The following CNTN4 variants were observed in gnomAD, a reference collection of about 807,000 sequenced individuals.
CNTN4 encodes the protein contactin 4, also known as contactin-4.
A neutral mutation model predicts 122.5 loss-of-function variants in CNTN4; 77 were observed. That is an observed-to-expected ratio of 0.63 (90% CI 0.52 to 0.76). CNTN4 has a LOEUF of 0.76. Among genes scored for constraint, CNTN4 ranks in the 30% least tolerant of loss-of-function variants. CNTN4 has a pLI of 0.00. For synonymous variants in CNTN4, 512 were observed against 447.0 expected (o/e 1.15, Z -1.83); for missense variants, 1,256 against 1,259.1 (o/e 1.00, Z 0.04).
At chr3:2,164,833 G>A (rs1375418305) in intron 2 of CNTN4, among the ~76,000 whole-genome samples, 2 of 152,130 alleles carry the variant, frequency 1.3e-5, no homozygotes, top group African/African-American at 4.8e-5. Flanking sequence ...AGGACTCAAA[G>A]TATTCTGCAA....
intron 10 of CNTN4, among the ~76,000 whole-genome samples, chr3:2,888,620 C>G (rs2094004360): frequency 6.6e-6 from 1 of 152,068 alleles, no homozygotes; most frequent in South Asian, 2.1e-4. Context: ...ATCCATGACT[C>G]CTCCTGTAGC....
chr3:2,247,741 AT>A (rs1049015163), intron 2 of CNTN4, among the ~76,000 whole-genome samples: 27 of 152,078 alleles, frequency 1.8e-4, no homozygotes, highest in African/African-American at 6.0e-4. Context: ...TATGAGTTAT[AT>A]TTTGGGGAAC....
In CNTN4 at chr3:2,937,208, G is replaced by A. The variant is rs117390908; in HGVS notation, c.1358+11429G>A. ...TTAAATTGTCACTTCCAGCATGTCC[G>A]TCTTATGCAAAGCAAAGGGGAAGTG... On this transcript the variant is annotated intron_variant, in intron 13 of 24. Coordinates refer to ENST00000418658, the MANE Select transcript of CNTN4 (RefSeq NM_175607.3). Among the ~76,000 whole-genome samples, 35 of 152,228 alleles carry A rather than the reference G, an allele frequency of 2.3e-4. No individual in the cohort carries two copies. The East Asian group carries it at 5.2e-3, about 23-fold the overall frequency.
intron 3 of CNTN4, among the ~76,000 whole-genome samples, chr3:2,568,398 C>T (rs180880272): frequency 0.12 from 18,691 of 150,010 alleles, 1,524 homozygotes; most frequent in Non-Finnish European, 0.18. Flanking sequence ...AGAAAGCAAT[C>T]GAGGCCTGTT....
intron 4 of CNTN4, among the ~76,000 whole-genome samples, chr3:2,596,995 A>G (rs998120050): frequency 6.6e-6 from 1 of 152,084 alleles, no homozygotes; most frequent in African/African-American, 2.4e-5. Flanking sequence ...TGGCTTCTGC[A>G]CATAGCCCAT....
intron 2 of CNTN4, among the ~76,000 whole-genome samples, chr3:2,236,456 C>T (rs2039685681): frequency 6.6e-6 from 1 of 152,168 alleles, no homozygotes; most frequent in Non-Finnish European, 1.5e-5. Flanking sequence ...GTGAAACTGA[C>T]TTTATTCTAT....
intron 2 of CNTN4, among the ~76,000 whole-genome samples, chr3:2,177,846 A>G (rs1363420845): frequency 6.6e-6 from 1 of 152,118 alleles, no homozygotes; most frequent in Non-Finnish European, 1.5e-5. Context: ...TATCAAGACT[A>G]GTGTTTGACC....
chr3:3,047,324 A>C (rs1421759876), intron 23 of CNTN4, among the ~76,000 whole-genome samples: 3 of 152,212 alleles, frequency 2.0e-5, no homozygotes, highest in Admixed American at 6.5e-5. Flanking sequence ...CAGAATATAC[A>C]TTCTTCTCAG....
At chr3:2,664,634 C>G (rs1019584105) in intron 4 of CNTN4, among the ~76,000 whole-genome samples, 4 of 152,168 alleles carry the variant, frequency 2.6e-5, no homozygotes, top group Non-Finnish European at 5.9e-5. Context: ...CCAGCCACAT[C>G]TTATCAGAGG....
chr3:2,348,535 C>T (rs2150418146), intron 3 of CNTN4, among the ~76,000 whole-genome samples: 2 of 152,322 alleles, frequency 1.3e-5, no homozygotes, highest in Middle Eastern at 6.8e-3. Flanking sequence ...ATTGCAGAGT[C>T]TTCAGTTCCT....
At chr3:2,668,370 C>T (rs1175547317) in intron 4 of CNTN4, among the ~76,000 whole-genome samples, 2 of 152,222 alleles carry the variant, frequency 1.3e-5, no homozygotes, top group Non-Finnish European at 2.9e-5. Context: ...AATGGGAGTT[C>T]ACTCATGATT....
intron 2 of CNTN4, among the ~76,000 whole-genome samples, chr3:2,207,101 C>G (rs1048077882): frequency 1.3e-5 from 2 of 151,906 alleles, no homozygotes; most frequent in African/African-American, 4.8e-5. Context: ...GTGTCATGAA[C>G]CAAACTCATA....
intron 3 of CNTN4, among the ~76,000 whole-genome samples, chr3:2,565,986 T>G (rs867053478): frequency 1.3e-5 from 2 of 152,336 alleles, no homozygotes; most frequent in South Asian, 2.1e-4. Flanking sequence ...GGAAAGAAAC[T>G]TATTCACAGT....
intron 2 of CNTN4, among the ~76,000 whole-genome samples, chr3:2,249,252 G>A (rs1426094754): frequency 1.3e-5 from 2 of 151,844 alleles, no homozygotes; most frequent in East Asian, 1.9e-4. Context: ...AGAAGGTTGG[G>A]GCTGGGAGAG....
At chr3:2,842,074 G>T (rs181590858) in intron 7 of CNTN4, among the ~76,000 whole-genome samples, 37 of 152,128 alleles carry the variant, frequency 2.4e-4, no homozygotes, top group African/African-American at 8.0e-4. Context: ...AATGAGCATT[G>T]TTGAAGCCAT....
chr3:2,955,339 G>A (rs1354662356), intron 13 of CNTN4, among the ~76,000 whole-genome samples: 1 of 152,192 alleles, frequency 6.6e-6, no homozygotes, highest in Non-Finnish European at 1.5e-5. Context: ...GTAATTGCAT[G>A]TGTCAGTCAC....
chr3:2,189,761 C>G (rs527990896), intron 2 of CNTN4, among the ~76,000 whole-genome samples: 86 of 152,098 alleles, frequency 5.7e-4, no homozygotes, highest in Non-Finnish European at 9.3e-4. Context: ...TTTAAAGTGA[C>G]TAAAATATTT....
intron 4 of CNTN4, among the ~76,000 whole-genome samples, chr3:2,597,270 TC>T: frequency 6.6e-6 from 1 of 152,246 alleles, no homozygotes; most frequent in East Asian, 1.9e-4. Flanking sequence ...GGCCAGTACT[TC>T]GTTAGAAATT....
chr3:2,596,986 G>A (rs2080800566), intron 4 of CNTN4, among the ~76,000 whole-genome samples: 1 of 151,648 alleles, frequency 6.6e-6, no homozygotes, highest in Non-Finnish European at 1.5e-5. Context: ...GAGTTTCTCT[G>A]GCTTCTGCAC....
Sources: allele counts gnomAD v4.1 joint callset (sites outside exome capture counted in the v4.1 genomes callset), GRCh38; gene constraint gnomAD v4.1.1; transcripts MANE v1.5; gene names NCBI Gene and HGNC (gene_info 2026-07-23, HGNC 2026-07-21).